SNTG1: variants seen among roughly 807,000 people sequenced by gnomAD.
SNTG1 encodes the protein syntrophin gamma 1.
Under a neutral mutation model 74.7 loss-of-function variants are expected in SNTG1, and 39 were observed. The observed-to-expected ratio is 0.52, with a 90% CI of 0.40 to 0.68. The LOEUF (loss-of-function observed/expected upper bound fraction) is 0.68, where lower values mean the gene tolerates loss of function less well. Ranked by LOEUF, SNTG1 falls within the 30% of genes least tolerant of loss-of-function variation. The pLI, the probability that SNTG1 is intolerant of heterozygous loss-of-function variation, is 0.00. For missense variants in SNTG1, 685 were observed against 609.5 expected, an observed-to-expected ratio of 1.12 and a Z score of -1.30; for synonymous variants, 254 against 217.1, an observed-to-expected ratio of 1.17 and a Z score of -1.49.
chr8:50,095,926 A>C (rs1037644269), intron 1 of SNTG1, among the ~76,000 whole-genome samples: 1 of 151,818 alleles, frequency 6.6e-6, no homozygotes, highest in African/African-American at 2.4e-5. Flanking sequence ...ATTATTTTGA[A>C]ATGTGAAAAT....
chr8:50,741,554 G>A (rs1359664822), intron 17 of SNTG1, among the ~76,000 whole-genome samples: 1 of 152,046 alleles, frequency 6.6e-6, no homozygotes, highest in Admixed American at 6.6e-5. Context: ...AAAAAGCTAT[G>A]TCCTCACAAA....
chr8:50,287,054 A>T (rs964424669), intron 2 of SNTG1, among the ~76,000 whole-genome samples: 1 of 151,994 alleles, frequency 6.6e-6, no homozygotes, highest in Non-Finnish European at 1.5e-5. Flanking sequence ...GTGCTGACCA[A>T]CCTGACTGTT....
At chr8:50,682,059 G>T (rs2095333082) in intron 15 of SNTG1, among the ~76,000 whole-genome samples, 1 of 152,276 alleles carries the variant, frequency 6.6e-6, no homozygotes, top group South Asian at 2.1e-4. Flanking sequence ...ACAAATGCTT[G>T]TTCCTTGGTA....
chr8:49,943,646 T>G (rs367888118), intron 1 of SNTG1, among the ~76,000 whole-genome samples: 1 of 152,252 alleles, frequency 6.6e-6, no homozygotes, highest in African/African-American at 2.4e-5. Context: ...CTATAATCCA[T>G]GCATTTAAAA....
At chr8:50,307,748 C>T (rs752618954) in intron 2 of SNTG1, among the ~76,000 whole-genome samples, 1 of 152,016 alleles carries the variant, frequency 6.6e-6, no homozygotes, top group Non-Finnish European at 1.5e-5. Context: ...TTTCTTGTAT[C>T]AGCTTTATAT....
intron 2 of SNTG1, among the ~76,000 whole-genome samples, chr8:50,304,320 A>T (rs903425971): frequency 1.3e-5 from 2 of 152,214 alleles, no homozygotes; most frequent in Admixed American, 6.6e-5. Flanking sequence ...CAGAGCTGTG[A>T]GCCAAACAAA....
intron 15 of SNTG1, among the ~76,000 whole-genome samples, chr8:50,667,413 T>C (rs2095255910): frequency 6.6e-6 from 1 of 152,074 alleles, no homozygotes; most frequent in Admixed American, 6.6e-5. Flanking sequence ...TATTAGCTCA[T>C]GGGTCTGGAG....
chr8:49,918,047 A>G (rs147834202), intron 1 of SNTG1, among the ~76,000 whole-genome samples: 176 of 152,292 alleles, frequency 1.2e-3, no homozygotes, highest in Non-Finnish European at 2.0e-3. Flanking sequence ...TTCCCATTTC[A>G]ATGACATTTA....
At chr8:50,179,025 A>G (rs2083105876) in intron 2 of SNTG1, among the ~76,000 whole-genome samples, 1 of 152,162 alleles carries the variant, frequency 6.6e-6, no homozygotes, top group Non-Finnish European at 1.5e-5. Flanking sequence ...TGTGTTGTAT[A>G]AGAGTCCAGT....
intron 12 of SNTG1, among the ~76,000 whole-genome samples, chr8:50,569,315 A>G (rs565125750): frequency 5.5e-4 from 83 of 152,136 alleles, no homozygotes; most frequent in Middle Eastern, 3.2e-3. Context: ...AGACACACAC[A>G]CAAATAATTT....
At chr8:50,701,958 C>T (rs966676339) in intron 15 of SNTG1, among the ~76,000 whole-genome samples, 3 of 151,918 alleles carry the variant, frequency 2.0e-5, no homozygotes, top group Admixed American at 6.6e-5. Flanking sequence ...TCAAGTGATT[C>T]TCCTGCCTCA....
chr8:50,511,607 A>T (rs1210782633), intron 9 of SNTG1, among the ~76,000 whole-genome samples: 1 of 152,138 alleles, frequency 6.6e-6, no homozygotes, highest in Non-Finnish European at 1.5e-5. Flanking sequence ...TCCTGTATTC[A>T]GTCCATGCAT....
In SNTG1 at chr8:50,342,512, A is replaced by C. The variant is rs1284274293; in HGVS notation, c.-27-51700A>C. 2.0e-5 allele frequency among the ~76,000 whole-genome samples: 3 copies of C among 152,176 alleles called. No individual in the cohort carries two copies. The East Asian group carries it at 5.8e-4, about 29-fold the overall frequency. ...AATAGATTAAAAAAATGTTTTGCTA[A>C]GTAAGGCAAGCAAGAAATATATTTA... On this transcript the variant is annotated intron_variant, in intron 2 of 18. Transcript: ENST00000642720.
At chr8:50,762,197 T>G (rs1377043889) in intron 18 of SNTG1, among the ~76,000 whole-genome samples, 3 of 151,994 alleles carry the variant, frequency 2.0e-5, no homozygotes, top group Non-Finnish European at 2.9e-5. Context: ...AGTTTTAAGA[T>G]GGTACTCAGC....
At chr8:50,099,539 T>C (rs2080048322) in intron 1 of SNTG1, among the ~76,000 whole-genome samples, 1 of 152,104 alleles carries the variant, frequency 6.6e-6, no homozygotes, top group Non-Finnish European at 1.5e-5. Flanking sequence ...AAATGGTAGA[T>C]CTATATGCAG....
chr8:50,225,990 T>C (rs1475725829), intron 2 of SNTG1, among the ~76,000 whole-genome samples: 1 of 152,182 alleles, frequency 6.6e-6, no homozygotes, highest in African/African-American at 2.4e-5. Context: ...GGACTAGATA[T>C]GCATACATAC....
chr8:50,239,835 A>T (rs2129640073), intron 2 of SNTG1, among the ~76,000 whole-genome samples: 1 of 152,292 alleles, frequency 6.6e-6, no homozygotes, highest in Admixed American at 6.5e-5. Flanking sequence ...GGAGAGTTAA[A>T]GATTTTGGGG....
chr8:50,679,758 T>G (rs535974260), intron 15 of SNTG1, among the ~76,000 whole-genome samples: 1 of 152,312 alleles, frequency 6.6e-6, no homozygotes, highest in African/African-American at 2.4e-5. Flanking sequence ...AAGTGCTTGC[T>G]TGACACTAAG....
intron 1 of SNTG1, among the ~76,000 whole-genome samples, chr8:50,006,155 G>T (rs1190919727): frequency 6.6e-6 from 1 of 151,456 alleles, no homozygotes; most frequent in African/African-American, 2.4e-5. Flanking sequence ...TAATGACGGG[G>T]TTTCATCGTG....
Sources: gnomAD v4.1 joint callset for allele counts (sites outside exome capture counted in the v4.1 genomes callset) on GRCh38, gnomAD v4.1.1 for gene constraint, MANE v1.5 for transcripts, NCBI Gene and HGNC (gene_info 2026-07-23, HGNC 2026-07-21) for gene names.